Variants in NPAS4 observed in about 807,000 individuals in gnomAD.
NPAS4 encodes neuronal PAS domain protein 4.
A neutral mutation model predicts 64.0 loss-of-function variants in NPAS4; 10 were observed. The ratio of observed to expected loss-of-function variants is 0.16; its 90% CI spans 0.10 to 0.26. The LOEUF is 0.26. Ranked by LOEUF, NPAS4 falls within the 10% of genes least tolerant of loss-of-function variation. The pLI is 1.00. For synonymous variants in NPAS4, 441 were observed against 411.7 expected, an observed-to-expected ratio of 1.07 and a Z score of -0.86; for missense variants, 886 against 992.6, an observed-to-expected ratio of 0.89 and a Z score of 1.44.
upstream of NPAS4, chr11:66,417,203 C>A (rs1000973010): frequency 2.0e-4 from 30 of 152,202 alleles, no homozygotes; most frequent in African/African-American, 5.5e-4. Context: ...GATGCGAGCT[C>A]GTCTCAGTAA....
intron 1 of NPAS4, among the ~76,000 whole-genome samples, chr11:66,421,876 C>A (rs1322320934): frequency 6.6e-6 from 1 of 152,174 alleles, no homozygotes; most frequent in Non-Finnish European, 1.5e-5. Context: ...GAGCTCTGTC[C>A]GCGGTTCTGA....
chr11:66,424,730 G>A lies in NPAS4; in HGVS notation c.1840G>A (p.Ala614Thr). The A allele has an allele frequency of 1.2e-6, 2 of 1,613,746 alleles. No individual in the cohort carries two copies. Among genetic ancestry groups the A allele is most frequent in the South Asian group, 1.1e-5 (1 of 91,016 alleles). ...GCCCGAAGGCCTGCTCACACCTGAG[G>A]CCTCTCCAGTCAAGCAGAGTTTCTT... ...LVPEGLLTPE[A>T]SPVKQSFFHY... is the part of the protein sequence containing the mutation. The change falls in exon 7 of 8, where the codon GCC becomes ACC. Residue 614 changes from alanine to threonine, a missense_variant. Coordinates refer to ENST00000311034, the MANE Select transcript of NPAS4 (RefSeq NM_178864.4).
chr11:66,420,492 C>T (rs1856724346), upstream of NPAS4, among the ~76,000 whole-genome samples: 1 of 152,198 alleles, frequency 6.6e-6, no homozygotes, highest in South Asian at 2.1e-4. Context: ...GAGAGGAACC[C>T]CAGCAGTGAC....
chr11:66,411,582 C>G, the NPAS4 span, among the ~76,000 whole-genome samples: 3 of 152,354 alleles, frequency 2.0e-5, no homozygotes, highest in African/African-American at 7.2e-5. Flanking sequence ...CAGGGGCTTT[C>G]CCTTCAACCT....
At chr11:66,418,277 G>C (rs1186735555), upstream of NPAS4, among the ~76,000 whole-genome samples, 1 of 151,980 alleles carries the variant, frequency 6.6e-6, no homozygotes, top group East Asian at 1.9e-4. Flanking sequence ...GGAGAGAGTG[G>C]GGTGACTCAG....
chr11:66,420,653 C>G (rs1294469447), upstream of NPAS4, among the ~76,000 whole-genome samples: 1 of 152,246 alleles, frequency 6.6e-6, no homozygotes, highest in Non-Finnish European at 1.5e-5. Context: ...CCCCTCTCTG[C>G]CCTCTGCGGA....
At chr11:66,416,057 A>G (rs1271836430), upstream of NPAS4, among the ~76,000 whole-genome samples, 2 of 152,236 alleles carry the variant, frequency 1.3e-5, no homozygotes, top group African/African-American at 4.8e-5. Context: ...AGCTATGATC[A>G]GGCCACTGCA....
Position 66,426,139 on chromosome 11 carries a change from G to GC in NPAS4, c.*150_*151insC. On this transcript the variant is annotated 3_prime_UTR_variant, in exon 8 of 8. Coordinates refer to ENST00000311034, the MANE Select transcript of NPAS4 (RefSeq NM_178864.4). ...GGCCCTGCAGGATTTTGGGGGGGGG[G>GC]AGGTGGGAGGGCAAGGGAGGGGAGC... 1 of 382,454 alleles carries GC rather than the reference G, an allele frequency of 2.6e-6. No homozygotes were observed. 23.7% of individuals were successfully genotyped at this position (382,454 alleles called of 1,614,324 possible). A position where few individuals can be genotyped will look rare whatever the true frequency, so the allele number is the denominator to read the frequency against.
intron 2 of NPAS4, 77 bp from the exon 3 acceptor site, chr11:66,422,374 C>A (rs916919931): frequency 6.8e-6 from 10 of 1,472,186 alleles, no homozygotes; most frequent in Non-Finnish European, 9.5e-6. Context: ...AGAGGTTATA[C>A]CCTACAAGAT....
the NPAS4 span, among the ~76,000 whole-genome samples, chr11:66,415,777 G>A: frequency 0.12 from 18,978 of 152,180 alleles, 1,512 homozygotes; most frequent in Non-Finnish European, 0.18. Flanking sequence ...CTTTGATTAA[G>A]TCATTATCTA....
At chr11:66,421,618 G>T (rs931235072) in intron 1 of NPAS4, among the ~76,000 whole-genome samples, 6 of 152,252 alleles carry the variant, frequency 3.9e-5, no homozygotes, top group Non-Finnish European at 8.8e-5. Context: ...GAGCGGCCTC[G>T]GTGCCCGCCA....
Position 66,424,877 on chromosome 11 carries a change from G to A in NPAS4, c.1987G>A (p.Gly663Arg). ...EAGTGGLEPL[G>R]GLEPLDSNLS... ...TGGCACTGGCGGACTAGAGCCACTTGGAGGACTGGAGCCCCTGGACTCCAA... is the reference window on the plus strand; with the variant it reads ...TGGCACTGGCGGACTAGAGCCACTTAGAGGACTGGAGCCCCTGGACTCCAA... Residue 663 changes from glycine (G) to arginine (R), a missense_variant, in exon 7 of 8, where the codon GGA (glycine) becomes AGA (arginine). Coordinates refer to ENST00000311034, the MANE Select transcript of NPAS4 (RefSeq NM_178864.4). 1.9e-6 allele frequency: 3 copies of A among 1,613,188 alleles called. No homozygotes were observed. The highest frequency in any genetic ancestry group is 1.7e-6 in the Non-Finnish European group (2 of 1,179,716).
chr11:66,412,677 T>C, the NPAS4 span, among the ~76,000 whole-genome samples: 1 of 152,244 alleles, frequency 6.6e-6, no homozygotes, highest in Non-Finnish European at 1.5e-5. Flanking sequence ...AGTCCCTTGA[T>C]AGGGGTGCCA....
chr11:66,422,620 T>C, intron 3 of NPAS4, 54 bp from the exon 4 acceptor site: 1 of 1,605,358 alleles, frequency 6.2e-7, no homozygotes, highest in Non-Finnish European at 8.5e-7. Flanking sequence ...CACCATCCAC[T>C]GTCTCTCTCT....
At chr11:66,422,086 T>TA (rs1182694756) in intron 1 of NPAS4, 34 bp from the exon 2 acceptor site, 3 of 1,604,060 alleles carry the variant, frequency 1.9e-6, no homozygotes. Flanking sequence ...CTCCCAGTCT[T>TA]ACTCCTGACG....
At chr11:66,413,808 C>G in the NPAS4 span, among the ~76,000 whole-genome samples, 5 of 152,154 alleles carry the variant, frequency 3.3e-5, no homozygotes, top group African/African-American at 1.2e-4. Flanking sequence ...TTTTGCTCTC[C>G]CCAAACTCCC....
At chr11:66,414,248 G>A in the NPAS4 span, among the ~76,000 whole-genome samples, 3 of 152,094 alleles carry the variant, frequency 2.0e-5, no homozygotes, top group Admixed American at 1.3e-4. Flanking sequence ...AGGAAAATCC[G>A]CCTCCTCCAG....
Position 66,424,465 on chromosome 11 carries a change from C to G in NPAS4, c.1575C>G (p.Ser525Arg). 6.2e-7 allele frequency: 1 copy of G among 1,614,116 alleles called. No homozygotes were observed. The highest frequency in any genetic ancestry group is 8.5e-7 in the Non-Finnish European group (1 of 1,179,968). ...CCACCTTCCCAGAGCCTCTGGGCAG[C>G]CCTGCCCATGAACAGCTGACTCCTC... ...STATFPEPLGSPAHEQLTPPS... is the reference protein window; with the variant it reads ...STATFPEPLGRPAHEQLTPPS... Residue 525 changes from serine to arginine, a missense_variant, in exon 7 of 8, where the codon AGC (serine) becomes AGG (arginine). Ser to Arg is a moderately radical substitution (Grantham distance 110). This residue lies in a region of NPAS4 where 820 missense variants were observed against 855.5 expected (regional missense o/e 0.96). Coordinates refer to ENST00000311034, the MANE Select transcript of NPAS4 (RefSeq NM_178864.4).
chr11:66,415,671 G>A, the NPAS4 span, among the ~76,000 whole-genome samples: 2 of 152,228 alleles, frequency 1.3e-5, no homozygotes, highest in Non-Finnish European at 2.9e-5. Flanking sequence ...TCCATAGTTT[G>A]TAAACCCTAG....
Sources: allele counts gnomAD v4.1 joint callset (sites outside exome capture counted in the v4.1 genomes callset), GRCh38; gene constraint gnomAD v4.1.1; regional missense constraint gnomAD v4.1.1; transcripts MANE v1.5; gene names NCBI Gene and HGNC (gene_info 2026-07-23, HGNC 2026-07-21).